Variants in UTRN observed in about 807,000 individuals in gnomAD.
The protein encoded by UTRN is utrophin, also known as dystrophin-related protein 1.
Under a neutral mutation model 463.9 loss-of-function variants are expected in UTRN, and 283 were observed. The observed-to-expected ratio is 0.61, with a 90% confidence interval of 0.55 to 0.67. UTRN has a LOEUF of 0.67. Among genes scored for constraint, UTRN ranks in the 30% least tolerant of loss-of-function variants. The pLI is 0.00. For synonymous variants in UTRN, 1,442 were observed against 1,431.5 expected (o/e 1.01, Z -0.17); for missense variants, 3,922 against 4,084.3 (o/e 0.96, Z 1.08).
intron 59 of UTRN, among the ~76,000 whole-genome samples, chr6:144,772,670 G>A (rs1044531610): frequency 6.6e-6 from 1 of 152,040 alleles, no homozygotes; most frequent in Non-Finnish European, 1.5e-5. Context: ...TATTTAGTAC[G>A]TGCCATCAAA....
intron 3 of UTRN, among the ~76,000 whole-genome samples, chr6:144,417,996 C>T (rs997643305): frequency 6.6e-6 from 1 of 152,030 alleles, no homozygotes; most frequent in Non-Finnish European, 1.5e-5. Flanking sequence ...TATTTTATTA[C>T]ACTTTTCTGC....
At chr6:144,423,849 C>T in intron 5 of UTRN, 137 bp from the exon 6 acceptor site, 1 of 978,920 alleles carries the variant, frequency 1.0e-6, no homozygotes, top group African/African-American at 1.7e-5. Flanking sequence ...TTTAAGCTTA[C>T]CTGATTCTCT....
chr6:144,714,488 G>A (rs909707429), intron 53 of UTRN, among the ~76,000 whole-genome samples: 2 of 152,178 alleles, frequency 1.3e-5, no homozygotes, highest in African/African-American at 4.8e-5. Context: ...CTTCTCAGGT[G>A]TCCCATGCAG....
At chr6:144,556,642 A>G (rs1799410401) in intron 49 of UTRN, among the ~76,000 whole-genome samples, 1 of 152,244 alleles carries the variant, frequency 6.6e-6, no homozygotes, top group Admixed American at 6.5e-5. Context: ...CAAATTCAGC[A>G]TCAGTTTGGC....
chr6:144,790,147 G>A lies in UTRN; in HGVS notation c.8920+868G>A, dbSNP rs149077595. Among the ~76,000 whole-genome samples the A allele has an allele frequency of 5.8e-3, 889 of 152,300 alleles. 6 individuals are homozygous for A. Among genetic ancestry groups the A allele is most frequent in the African/African-American group, 0.018 (768 of 41,552 alleles). ...GTAATGTTTAAGGTACCTAGAAATA[G>A]CAGTTGTTGAATAAATGGTAGCAGT... On this transcript the variant is annotated intron_variant, in intron 62 of 74. Transcript: ENST00000367545.
chr6:144,607,298 C>T (rs1804958110), intron 51 of UTRN, among the ~76,000 whole-genome samples: 1 of 152,030 alleles, frequency 6.6e-6, no homozygotes, highest in African/African-American at 2.4e-5. Context: ...TTTCTGTGGC[C>T]CAGTTTGGAA....
At chr6:144,798,224 C>A (rs1345434891) in intron 64 of UTRN, among the ~76,000 whole-genome samples, 1 of 152,070 alleles carries the variant, frequency 6.6e-6, no homozygotes, top group East Asian at 1.9e-4. Context: ...TGGATCAGAA[C>A]CAGAGATTTT....
At chr6:144,825,282 G>A (rs922502012) in intron 66 of UTRN, among the ~76,000 whole-genome samples, 1 of 152,214 alleles carries the variant, frequency 6.6e-6, no homozygotes, top group Non-Finnish European at 1.5e-5. Context: ...GGAGAGCAGG[G>A]ATAGGCTGCG....
rs1264837552 is a variant in UTRN, at chr6:144,516,226, C to A, written c.5245-3C>A. ...TTTTCAGAGAATTCTTTTCCTTCTA[C>A]AGTTGCTAATTGCTCAGGAACCATT... On this transcript the variant is annotated splice_region_variant and splice_polypyrimidine_tract_variant and intron_variant, in intron 37 of 74. Coordinates refer to ENST00000367545, the MANE Select transcript of UTRN (RefSeq NM_007124.3). 1 of 1,610,228 alleles carries A rather than the reference C, an allele frequency of 6.2e-7. No homozygotes were observed. Among genetic ancestry groups the A allele is most frequent in the African/African-American group, 1.3e-5 (1 of 74,736 alleles).
intron 41 of UTRN, among the ~76,000 whole-genome samples, chr6:144,528,944 T>A (rs1350218093): frequency 6.6e-6 from 1 of 152,080 alleles, no homozygotes; most frequent in Non-Finnish European, 1.5e-5. Flanking sequence ...AGGTGCTGAG[T>A]CAGACTCTCC....
chr6:144,557,400 T>C, intron 50 of UTRN, 89 bp downstream of exon 50: 1 of 1,365,908 alleles, frequency 7.3e-7, no homozygotes, highest in Non-Finnish European at 9.9e-7. Context: ...GCCAAACATG[T>C]GGCTACTACA....
chr6:144,515,950 A>C (rs945661889), intron 37 of UTRN, among the ~76,000 whole-genome samples: 1 of 152,194 alleles, frequency 6.6e-6, no homozygotes, highest in Non-Finnish European at 1.5e-5. Flanking sequence ...CTATGCTCGC[A>C]TGTGGTCTCC....
intron 59 of UTRN, 72 bp from the exon 60 acceptor site, chr6:144,774,218 A>G (rs541692563): frequency 2.8e-4 from 383 of 1,386,862 alleles, no homozygotes; most frequent in Non-Finnish European, 3.1e-4. Flanking sequence ...CAAAGTAACC[A>G]AATACATTCT....
intron 54 of UTRN, among the ~76,000 whole-genome samples, chr6:144,734,729 C>T (rs1323791563): frequency 2.0e-5 from 3 of 152,190 alleles, no homozygotes; most frequent in African/African-American, 7.2e-5. Context: ...TTGCAGGTTC[C>T]TTCAACTCAT....
chr6:144,811,594 T>A (rs1778617710), intron 65 of UTRN, among the ~76,000 whole-genome samples: 1 of 152,222 alleles, frequency 6.6e-6, no homozygotes, highest in African/African-American at 2.4e-5. Flanking sequence ...CTAATTTTTT[T>A]AGCTTCATAT....
At chr6:144,687,449 A>T (rs1782884914) in intron 52 of UTRN, among the ~76,000 whole-genome samples, 1 of 152,196 alleles carries the variant, frequency 6.6e-6, no homozygotes, top group Non-Finnish European at 1.5e-5. Context: ...AAACAATCAA[A>T]AAAAGACAAA....
intron 51 of UTRN, among the ~76,000 whole-genome samples, chr6:144,670,505 T>A (rs1171060939): frequency 1.3e-5 from 2 of 152,164 alleles, no homozygotes; most frequent in African/African-American, 2.4e-5. Context: ...TTTGTTTGAG[T>A]TCCTTGTGGA....
intron 27 of UTRN, among the ~76,000 whole-genome samples, chr6:144,483,543 A>G (rs1244191114): frequency 6.6e-6 from 1 of 152,176 alleles, no homozygotes; most frequent in African/African-American, 2.4e-5. Context: ...CCTGGGCTCA[A>G]GTGACCTTCC....
chr6:144,366,663 G>T (rs999591673), intron 2 of UTRN, among the ~76,000 whole-genome samples: 2 of 152,102 alleles, frequency 1.3e-5, no homozygotes, highest in South Asian at 4.1e-4. Flanking sequence ...TGGGCATTTA[G>T]GTTGACTCCA....
Sources: allele counts gnomAD v4.1 joint callset (sites outside exome capture counted in the v4.1 genomes callset), GRCh38; gene constraint gnomAD v4.1.1; transcripts MANE v1.5; gene names NCBI Gene and HGNC (gene_info 2026-07-23, HGNC 2026-07-21).